Variants in PHLDB2 observed in about 807,000 individuals in gnomAD.
The protein encoded by PHLDB2 is pleckstrin homology like domain family B member 2, also known as pleckstrin homology-like domain family B member 2.
In PHLDB2, 71 loss-of-function variants were observed where a neutral mutation model predicts 123.6. That is an observed-to-expected ratio of 0.57 (90% CI 0.47 to 0.70). PHLDB2 has a LOEUF of 0.70. Among genes scored for constraint, PHLDB2 ranks in the 30% least tolerant of loss-of-function variants. PHLDB2 has a pLI of 0.00. For missense variants in PHLDB2, 1,446 were observed against 1,519.5 expected (o/e 0.95, Z 0.80); for synonymous variants, 547 against 541.6 (o/e 1.01, Z -0.14).
chr3:111,957,362 A>G (rs1288232685), intron 12 of PHLDB2: 1 of 152,640 alleles, frequency 6.6e-6, no homozygotes, highest in Non-Finnish European at 1.5e-5. Context: ...GTGGATTTTT[A>G]GTCTAATGAT....
intron 2 of PHLDB2, among the ~76,000 whole-genome samples, chr3:111,897,751 C>G (rs1046431184): frequency 2.0e-5 from 3 of 152,126 alleles, no homozygotes; most frequent in Non-Finnish European, 2.9e-5. Context: ...CATCAGATCA[C>G]GAAGACCAAG....
In PHLDB2 at chr3:111,973,786, T is replaced by C; in HGVS notation, c.3590T>C (p.Val1197Ala). The C allele has an allele frequency of 6.3e-7, 1 of 1,599,778 alleles. No homozygotes were observed. The highest frequency in any genetic ancestry group is 8.5e-7 in the Non-Finnish European group (1 of 1,169,872). ...ATATACTTTCAAGCCATTGAAGAAGTCTATTATGATCACCTCAAGAATGCT... is the reference window on the plus strand; with the variant it reads ...ATATACTTTCAAGCCATTGAAGAAGCCTATTATGATCACCTCAAGAATGCT... ...GVIYFQAIEE[V>A]YYDHLKNANK... is the part of the protein sequence containing the mutation. Residue 1197 changes from valine to alanine, a missense_variant, in exon 17 of 18, where the codon GTC becomes GCC. Transcript: ENST00000431670.
chr3:111,770,986 A>G (rs1384399810), intron 1 of PHLDB2, among the ~76,000 whole-genome samples: 4 of 152,196 alleles, frequency 2.6e-5, no homozygotes, highest in Non-Finnish European at 5.9e-5. Context: ...CAGCCGCCTC[A>G]TGGCATGCAG....
At chr3:111,897,533 A>T (rs1383242235) in intron 2 of PHLDB2, among the ~76,000 whole-genome samples, 1 of 152,238 alleles carries the variant, frequency 6.6e-6, no homozygotes, top group Admixed American at 6.5e-5. Context: ...TGCAGGTTGA[A>T]AATTTTTGGT....
chr3:111,827,270 T>A (rs3935381), intron 1 of PHLDB2, among the ~76,000 whole-genome samples: 31,525 of 152,024 alleles, frequency 0.21, 5,095 homozygotes, highest in African/African-American at 0.43. Context: ...GGGCCCTTAG[T>A]ATGGCTTTTA....
chr3:111,874,697 A>G (rs2065517102), intron 1 of PHLDB2, among the ~76,000 whole-genome samples: 1 of 152,144 alleles, frequency 6.6e-6, no homozygotes, highest in African/African-American at 2.4e-5. Flanking sequence ...GCCACACCTA[A>G]CCTCACAGAG....
rs1480955749 is a variant in PHLDB2 at position 111,825,790 on chromosome 3, C to G, written c.-48-20031C>G. 3.3e-5 allele frequency among the ~76,000 whole-genome samples: 5 copies of G among 152,218 alleles called. No individual in the cohort carries two copies. The East Asian group carries it at 9.7e-4, about 29-fold the overall frequency. ...TTAAATAACCCTTTAAGTGCTGCAT[C>G]TTTATGAAGGTTTTTTTAATTTGAA... On this transcript the variant is annotated intron_variant, in intron 1 of 17. Coordinates refer to the PHLDB2 transcript ENST00000393923.
intron 1 of PHLDB2, among the ~76,000 whole-genome samples, chr3:111,767,228 T>C (rs2060099181): frequency 1.3e-5 from 2 of 152,066 alleles, no homozygotes; most frequent in Admixed American, 1.3e-4. Context: ...TACAGAAAAG[T>C]CAAGGGACTT....
chr3:111,740,400 G>A (rs1281342542), intron 1 of PHLDB2, among the ~76,000 whole-genome samples: 1 of 151,932 alleles, frequency 6.6e-6, no homozygotes, highest in African/African-American at 2.4e-5. Flanking sequence ...TCATCACCAG[G>A]GGATATCTGG....
chr3:111,766,422 C>T lies in PHLDB2; in HGVS notation c.-49+33719C>T, dbSNP rs536313902. On this transcript the variant is annotated intron_variant, in intron 1 of 17. Coordinates refer to the PHLDB2 transcript ENST00000393923. Reference sequence around the variant, plus strand: ...TTATGCCACTGCACTCCATCGTGGGCGACAGAGTGAGACTCTGTCTCAAAA... The same window carrying T: ...TTATGCCACTGCACTCCATCGTGGGTGACAGAGTGAGACTCTGTCTCAAAA... Among the ~76,000 whole-genome samples the T allele has an allele frequency of 2.8e-4, 39 of 140,688 alleles. 1 individual carries two copies. In the Middle Eastern group the frequency reaches 0.035, roughly 126 times the overall value. 92.3% of individuals were successfully genotyped at this position (140,688 alleles called of 152,430 possible).
intron 1 of PHLDB2, among the ~76,000 whole-genome samples, chr3:111,761,823 C>A (rs769449402): frequency 2.6e-5 from 4 of 152,130 alleles, no homozygotes; most frequent in Non-Finnish European, 4.4e-5. Context: ...GCCACAGAGG[C>A]CATGACTGGT....
At chr3:111,828,572 T>C (rs970586111) in intron 1 of PHLDB2, among the ~76,000 whole-genome samples, 1 of 152,126 alleles carries the variant, frequency 6.6e-6, no homozygotes, top group African/African-American at 2.4e-5. Flanking sequence ...TGGCGGATCG[T>C]TTGAGCCCAG....
rs1243487328 is a variant in PHLDB2, at chr3:111,833,945, TTA to T, written c.-48-11867_-48-11866del. Among the ~76,000 whole-genome samples, 27 of 9,676 alleles carry T rather than the reference TTA, an allele frequency of 2.8e-3. 12 individuals are homozygous for T. The highest frequency in any genetic ancestry group is 1.6e-3 in the Non-Finnish European group (3 of 1,870). The allele number at this position is 9,676 out of a possible 152,430, so 6.3% of individuals were successfully genotyped here. The stretch of plus-strand genomic sequence containing the variant: ...TATATATATAATATATGTAATGGAA[TTA>T]TATATATAATATATGTAATGGAATT... On this transcript the variant is annotated intron_variant, in intron 1 of 17. Transcript: ENST00000393923.
Position 111,884,081 on chromosome 3 carries a change from G to A in PHLDB2, c.4G>A (p.Glu2Lys). 6.2e-7 allele frequency: 1 copy of A among 1,604,774 alleles called. No homozygotes were observed. The highest frequency in any genetic ancestry group is 8.5e-7 in the Non-Finnish European group (1 of 1,177,298). MEEHSYIQKELD... is the reference protein window; with the variant it reads MKEHSYIQKELD... ...CTTTACAGATTCCAGCAAGATTATG[G>A]AAGAGCATAGCTACATACAAAAGGA... is the stretch of plus-strand genomic sequence containing the variant. The change falls in exon 2 of 18, where the codon GAA becomes AAA. Residue 2 changes from glutamate to lysine, a missense_variant. This residue lies in a region of PHLDB2 where 832 missense variants were observed against 831.9 expected (regional missense o/e 1.00). Coordinates refer to ENST00000431670, the MANE Select transcript of PHLDB2 (RefSeq NM_001134438.2).
At chr3:111,946,696 T>C (rs1033671071) in intron 9 of PHLDB2, among the ~76,000 whole-genome samples, 1 of 152,192 alleles carries the variant, frequency 6.6e-6, no homozygotes, top group African/African-American at 2.4e-5. Flanking sequence ...GTCTTGTGAG[T>C]CTGTTAAAGA....
rs534260599 is a variant in PHLDB2, at chr3:111,802,241, A to G, written c.-48-43580A>G. 2.6e-5 allele frequency among the ~76,000 whole-genome samples: 4 copies of G among 152,328 alleles called. No homozygotes were observed. The East Asian group carries it at 7.7e-4, about 29-fold the overall frequency. ...GCTCCATGGAGCACTGTGCTTACAT[A>G]CAAGAAACCTCTCTTGTACCAAAGT... On this transcript the variant is annotated intron_variant, in intron 1 of 17. Transcript: ENST00000393923.
At chr3:111,822,317 G>GTGTGTGTGTGTGTGTGTGTGTGTA (rs1553734228) in intron 1 of PHLDB2, among the ~76,000 whole-genome samples, 71 of 147,910 alleles carry the variant, frequency 4.8e-4, no homozygotes, top group African/African-American at 1.8e-3. Context: ...GTGTGTGTGT[G>GTGTGTGTGTGTGTGTGTGTGTGTA]TATATATATA....
At chr3:111,892,534 C>G (rs960958538) in intron 2 of PHLDB2, among the ~76,000 whole-genome samples, 9 of 152,046 alleles carry the variant, frequency 5.9e-5, no homozygotes, top group African/African-American at 2.2e-4. Flanking sequence ...ATCCCTGGTT[C>G]CCAGATGATA....
intron 16 of PHLDB2, 77 bp downstream of exon 16, chr3:111,969,986 A>C: frequency 7.4e-7 from 1 of 1,357,098 alleles, no homozygotes; most frequent in Non-Finnish European, 1.0e-6. Flanking sequence ...ATTGAAATTC[A>C]GTGTAAATAG....
Sources: gnomAD v4.1 joint callset for allele counts (sites outside exome capture counted in the v4.1 genomes callset) on GRCh38, gnomAD v4.1.1 for gene constraint, gnomAD v4.1.1 regional missense constraint, MANE v1.5 for transcripts, NCBI Gene and HGNC (gene_info 2026-07-23, HGNC 2026-07-21) for gene names.